The following ENOSF1 variants were observed in gnomAD, a reference collection of about 807,000 sequenced individuals.
The protein encoded by ENOSF1 is mitochondrial enolase superfamily member 1.
ENOSF1 carries 73 observed loss-of-function variants against 68.2 expected under a neutral mutation model. The ratio of observed to expected loss-of-function variants is 1.07; its 90% CI spans 0.89 to 1.30. The LOEUF (loss-of-function observed/expected upper bound fraction) is 1.30. Among genes scored for constraint, ENOSF1 ranks in the 50% most tolerant of loss-of-function variants. The pLI is 0.00. For missense variants in ENOSF1, 589 were observed against 554.5 expected (o/e 1.06, Z -0.62); for synonymous variants, 223 against 210.4 (o/e 1.06, Z -0.52).
At chr18:667,429 GAGATGGTGATGGTGATGGTGATGGTGA>G (rs1567990569), downstream of ENOSF1, among the ~76,000 whole-genome samples, 222 of 2,062 alleles carry the variant, frequency 0.11, 83 homozygotes, top group East Asian at 0.29. Flanking sequence ...GATGGTGATG[GAGATGGTGATGGTGATGGTGATGGTGA>G]TGATGGAGAT....
Position 712,582 on chromosome 18 carries a change from C to T in ENOSF1, c.6G>A (p.Val2=), listed in dbSNP as rs1396191278. The T allele has an allele frequency of 2.0e-6, 3 of 1,536,570 alleles. No individual in the cohort carries two copies. The highest frequency in any genetic ancestry group is 2.6e-6 in the Non-Finnish European group (3 of 1,145,238). Reference sequence around the variant, plus strand: ...CCGAGAGCCGGGAGATCCTGCCGCGCACCATGGCCCCTGCGCCCCGTGGCC... The same window carrying T: ...CCGAGAGCCGGGAGATCCTGCCGCGTACCATGGCCCCTGCGCCCCGTGGCC... M[V]RGRISRLSVR... is the part of the protein sequence containing the mutation. Residue 2 remains valine, a synonymous_variant, in exon 1 of 16, where the codon GTG becomes GTA. Transcript: ENST00000647584.
Position 712,304 on chromosome 18 carries a change from C to A in ENOSF1, c.84+200G>T. 16 of 1,496,408 alleles carry A rather than the reference C, an allele frequency of 1.1e-5. 2 individuals are homozygous for A. The highest frequency in any genetic ancestry group is 1.2e-5 in the South Asian group (1 of 82,760). 92.7% of individuals were successfully genotyped at this position (1,496,408 alleles called of 1,614,324 possible). On this transcript the variant is annotated intron_variant, in intron 1 of 15. Transcript: ENST00000647584. ...TTCGAAGTCGGGAAGCTGCCCGGGG[C>A]CCGCAGAGCTGCAGTCGGCGGGGCG... is the stretch of plus-strand genomic sequence containing the variant.
At chr18:669,042 A>T, downstream of ENOSF1, 1 of 1,562,700 alleles carries the variant, frequency 6.4e-7, no homozygotes, top group Non-Finnish European at 8.8e-7. Flanking sequence ...TAATGTATGT[A>T]CCTGTCCTCT....
At chr18:706,023 A>G (rs547888162) in intron 2 of ENOSF1, among the ~76,000 whole-genome samples, 1 of 152,064 alleles carries the variant, frequency 6.6e-6, no homozygotes, top group Non-Finnish European at 1.5e-5. Flanking sequence ...ATATATACAT[A>G]TATATATTGA....
intron 3 of ENOSF1, among the ~76,000 whole-genome samples, chr18:696,204 C>CTTTTTTTTT (rs368856668): frequency 1.0e-3 from 122 of 118,692 alleles, no homozygotes; most frequent in East Asian, 2.7e-3. Context: ...ACATCTCTCT[C>CTTTTTTTTT]TTTTTTTTTT....
intron 10 of ENOSF1, among the ~76,000 whole-genome samples, chr18:685,432 T>A (rs553743672): frequency 2.1e-4 from 32 of 152,208 alleles, no homozygotes; most frequent in African/African-American, 7.5e-4. Flanking sequence ...TTTTAACTTA[T>A]GCAAAAAAGC....
At chr18:664,665 A>G in the ENOSF1 span, among the ~76,000 whole-genome samples, 2 of 148,386 alleles carry the variant, frequency 1.3e-5, no homozygotes, top group Non-Finnish European at 3.0e-5. Context: ...TGTCATAGAT[A>G]GCTCTTATTA....
intron 2 of ENOSF1, among the ~76,000 whole-genome samples, chr18:697,768 T>C (rs1468941357): frequency 2.6e-5 from 4 of 152,186 alleles, no homozygotes; most frequent in East Asian, 1.9e-4. Context: ...ATATTCTTTT[T>C]AAAATTGCAT....
At chr18:694,199 GT>G in intron 4 of ENOSF1, 48 bp downstream of exon 4, 1 of 1,554,632 alleles carries the variant, frequency 6.4e-7, no homozygotes, top group Non-Finnish European at 8.9e-7. Flanking sequence ...GGGAAAGTCA[GT>G]GTCGTACAGC....
rs763074909 is a variant in ENOSF1 at position 693,877 on chromosome 18, C to T, written c.423+5G>A. Reference sequence around the variant, plus strand: ...AACAATTGTAACATTAACAATGCTACTCACCATGTCCACAAGTAACTTCCA... The same window carrying T: ...AACAATTGTAACATTAACAATGCTATTCACCATGTCCACAAGTAACTTCCA... On this transcript the variant is annotated splice_donor_5th_base_variant and intron_variant, in intron 5 of 15. Transcript: ENST00000647584. 1.3e-5 allele frequency: 21 copies of T among 1,613,898 alleles called. No homozygotes were observed. Among genetic ancestry groups the T allele is most frequent in the Non-Finnish European group, 1.8e-5 (21 of 1,179,990 alleles).
rs776456387 is a variant in ENOSF1, at chr18:677,668, T to C, written c.1048+75A>G. 14 of 1,533,768 alleles carry C rather than the reference T, an allele frequency of 9.1e-6. No individual in the cohort carries two copies. The Admixed American group carries it at 1.6e-4, about 18-fold the overall frequency. On this transcript the variant is annotated intron_variant, in intron 13 of 15. Transcript: ENST00000647584. ...AACTACAGACTCCCATGCATGTGAA[T>C]TGCAAACCATCAAGGGAGGTGTCTG...
At chr18:696,332 C>T (rs2077725993) in intron 3 of ENOSF1, among the ~76,000 whole-genome samples, 2 of 151,814 alleles carry the variant, frequency 1.3e-5, no homozygotes, top group Admixed American at 1.3e-4. Flanking sequence ...CTGCCTCAGC[C>T]TCCTGAGTAA....
chr18:709,838 A>C (rs1220707843), intron 1 of ENOSF1, among the ~76,000 whole-genome samples: 1 of 151,756 alleles, frequency 6.6e-6, no homozygotes, highest in Non-Finnish European at 1.5e-5. Context: ...AAAATATCCT[A>C]CTTCTGATCA....
rs540748913 is a variant in ENOSF1 at position 673,319 on chromosome 18, G to A, written c.*986C>T. On this transcript the variant is annotated 3_prime_UTR_variant, in exon 16 of 16. Coordinates refer to ENST00000647584, the MANE Select transcript of ENOSF1 (RefSeq NM_017512.7). Reference sequence around the variant, plus strand: ...ATCCCACGTACTTATAAAGAAGGTTGGTGAATTTCACAAGCTATTTTTGGA... The same window carrying A: ...ATCCCACGTACTTATAAAGAAGGTTAGTGAATTTCACAAGCTATTTTTGGA... 21 of 240,760 alleles carry A rather than the reference G, an allele frequency of 8.7e-5. No homozygotes were observed. In the East Asian group the frequency reaches 1.3e-3, roughly 15 times the overall value. 14.9% of individuals were successfully genotyped at this position (240,760 alleles called of 1,614,324 possible). A position where few individuals can be genotyped will look rare whatever the true frequency, so the allele number is the denominator to read the frequency against.
rs562477063 is a variant in ENOSF1, at chr18:685,276, A to AT, written c.741+644dup. Reference sequence around the variant, plus strand: ...CACCTAGGCATCCCAAAGTGCTAGGATTACAGGCATGAGCCACAGCATCTG... The same window carrying AT: ...CACCTAGGCATCCCAAAGTGCTAGGATTTACAGGCATGAGCCACAGCATCTG... On this transcript the variant is annotated intron_variant, in intron 10 of 15. Coordinates refer to ENST00000647584, the MANE Select transcript of ENOSF1 (RefSeq NM_017512.7). Among the ~76,000 whole-genome samples the AT allele has an allele frequency of 3.2e-4, 49 of 152,132 alleles. 1 individual carries two copies. Among genetic ancestry groups the AT allele is most frequent in the African/African-American group, 1.1e-3 (47 of 41,524 alleles).
At chr18:705,591 G>A (rs546480986) in intron 2 of ENOSF1, among the ~76,000 whole-genome samples, 5 of 152,218 alleles carry the variant, frequency 3.3e-5, no homozygotes, top group South Asian at 2.1e-4. Context: ...AAAGAATGAC[G>A]TATACATGGC....
rs1024134119 is a variant in ENOSF1, at chr18:683,487, G to A, written c.742-107C>T. The A allele has an allele frequency of 1.3e-5, 17 of 1,355,502 alleles. No homozygotes were observed. In the African/African-American group the frequency reaches 2.4e-4, roughly 20 times the overall value. 84.0% of individuals were successfully genotyped at this position (1,355,502 alleles called of 1,614,324 possible). A position where few individuals can be genotyped will look rare whatever the true frequency, so the allele number is the denominator to read the frequency against. On this transcript the variant is annotated intron_variant, in intron 10 of 15. Coordinates refer to ENST00000647584, the MANE Select transcript of ENOSF1 (RefSeq NM_017512.7). ...GTCACTCAGTGCCACCAACAGCTGA[G>A]TGAGACCCCCTAACGCCTCTGCTGA... is the stretch of plus-strand genomic sequence containing the variant.
rs1391995111 is a variant in ENOSF1 at position 678,703 on chromosome 18, C to T, written c.911G>A (p.Gly304Glu). The T allele has an allele frequency of 1.2e-6, 2 of 1,613,944 alleles. No homozygotes were observed. Among genetic ancestry groups the T allele is most frequent in the Non-Finnish European group, 1.7e-6 (2 of 1,180,030 alleles). ...GTTGGGGGCGTCACTCACCTGTTCT[C>T]CTGTGGCAATGCCAATTCCTAATGG... The part of the protein sequence containing the change: ...LVPLGIGIAT[G>E]EQCHNRVIFK... Residue 304 changes from glycine (G) to glutamate (E), a missense_variant, in exon 12 of 16, where the codon GGA (glycine) becomes GAA (glutamate). Transcript: ENST00000647584.
At chr18:697,218 T>C in intron 3 of ENOSF1, 22 bp downstream of exon 3, 1 of 1,551,024 alleles carries the variant, frequency 6.4e-7, no homozygotes, top group Non-Finnish European at 8.9e-7. Flanking sequence ...TATGTAAGCA[T>C]TTTACAAAAT....
Sources: allele counts gnomAD v4.1 joint callset (sites outside exome capture counted in the v4.1 genomes callset), GRCh38; gene constraint gnomAD v4.1.1; transcripts MANE v1.5; gene names NCBI Gene and HGNC (gene_info 2026-07-23, HGNC 2026-07-21).